PCCA: variants seen among roughly 807,000 people sequenced by gnomAD.
PCCA encodes propionyl-CoA carboxylase subunit alpha, also known as propionyl-CoA carboxylase alpha chain, mitochondrial.
In PCCA, 74 loss-of-function variants were observed where a neutral mutation model predicts 101.3. The ratio of observed to expected loss-of-function variants is 0.73; its 90% CI spans 0.61 to 0.89. PCCA has a LOEUF of 0.89. Among genes scored for constraint, PCCA ranks in the 40% least tolerant of loss-of-function variants. The pLI, the probability that PCCA is intolerant of heterozygous loss-of-function variation, is 0.00. For missense variants in PCCA, 891 were observed against 907.0 expected (o/e 0.98, Z 0.23); for synonymous variants, 294 against 313.6 (o/e 0.94, Z 0.66).
chr13:100,464,943 G>T (rs1173121712), intron 21 of PCCA, among the ~76,000 whole-genome samples: 2 of 152,162 alleles, frequency 1.3e-5, no homozygotes, highest in Non-Finnish European at 2.9e-5. Context: ...TATCATTTTA[G>T]GTAGGCTGTT....
intron 19 of PCCA, among the ~76,000 whole-genome samples, chr13:100,419,681 C>T (rs745416411): frequency 2.0e-5 from 3 of 152,158 alleles, no homozygotes; most frequent in Non-Finnish European, 2.9e-5. Flanking sequence ...AGAGGCGAGA[C>T]GCCAGTGTAG....
At chr13:100,186,592 A>G (rs954890240) in intron 6 of PCCA, among the ~76,000 whole-genome samples, 11 of 151,960 alleles carry the variant, frequency 7.2e-5, no homozygotes, top group Non-Finnish European at 1.2e-4. Context: ...AAATACAAAA[A>G]TGGTTCAGGT....
intron 19 of PCCA, among the ~76,000 whole-genome samples, chr13:100,411,550 G>C (rs1199698964): frequency 1.3e-5 from 2 of 152,206 alleles, no homozygotes. Flanking sequence ...TGCCCTGCAA[G>C]TCTGGAAAGT....
chr13:100,438,944 C>T (rs1043540102), intron 20 of PCCA, among the ~76,000 whole-genome samples: 13 of 152,178 alleles, frequency 8.5e-5, no homozygotes, highest in Non-Finnish European at 1.3e-4. Flanking sequence ...GTATCTTAAA[C>T]AATGGAACGG....
At chr13:100,469,140 G>A (rs552896711) in intron 21 of PCCA, among the ~76,000 whole-genome samples, 39 of 145,082 alleles carry the variant, frequency 2.7e-4, no homozygotes, top group African/African-American at 9.7e-4. Context: ...GAACCCAGGA[G>A]ACGGAGGTTG....
At chr13:100,401,867 A>G (rs1334032350) in intron 19 of PCCA, among the ~76,000 whole-genome samples, 1 of 152,226 alleles carries the variant, frequency 6.6e-6, no homozygotes, top group African/African-American at 2.4e-5. Context: ...AACAACTTGA[A>G]TAGATAATTT....
intron 19 of PCCA, among the ~76,000 whole-genome samples, chr13:100,422,110 C>CTTTCT (rs2078844893): frequency 6.9e-5 from 8 of 116,112 alleles, no homozygotes; most frequent in Non-Finnish European, 1.5e-4. Context: ...TTCTTTCTTT[C>CTTTCT]TTTCTTTCTT....
intron 22 of PCCA, among the ~76,000 whole-genome samples, chr13:100,518,477 T>C (rs2086999356): frequency 6.6e-6 from 1 of 152,244 alleles, no homozygotes; most frequent in Non-Finnish European, 1.5e-5. Context: ...TGTGTTTTAT[T>C]TGAAGGGCTT....
At chr13:100,268,942 C>A (rs954716656) in intron 11 of PCCA, among the ~76,000 whole-genome samples, 159 bp downstream of exon 11, 1 of 152,204 alleles carries the variant, frequency 6.6e-6, no homozygotes, top group Non-Finnish European at 1.5e-5. Context: ...CTCCACCTCC[C>A]AGGCTCAAGT....
At chr13:100,516,822 A>G (rs2086862547) in intron 22 of PCCA, among the ~76,000 whole-genome samples, 1 of 150,858 alleles carries the variant, frequency 6.6e-6, no homozygotes, top group South Asian at 2.1e-4. Context: ...GTAAGAGGAT[A>G]GTCTCGTGGC....
chr13:100,395,145 A>G (rs922342856), intron 19 of PCCA, among the ~76,000 whole-genome samples: 3 of 152,236 alleles, frequency 2.0e-5, no homozygotes, highest in Non-Finnish European at 2.9e-5. Context: ...CCTTTAAGGA[A>G]AGACAAAATT....
Position 100,430,381 on chromosome 13 carries a change from T to C in PCCA, c.1845+4650T>C, listed in dbSNP as rs536935281. Among the ~76,000 whole-genome samples, 9 of 152,362 alleles carry C rather than the reference T, an allele frequency of 5.9e-5. No homozygotes were observed. In the South Asian group the frequency reaches 1.9e-3, roughly 32 times the overall value. On this transcript the variant is annotated intron_variant, in intron 20 of 23. Transcript: ENST00000376285. The stretch of plus-strand genomic sequence containing the variant: ...GAAGAACACCATTATGAGTTTTAAA[T>C]TGATCACTACCTTGCTTTTCTTTAG...
intron 22 of PCCA, among the ~76,000 whole-genome samples, chr13:100,517,089 G>GTGTGTGTT (rs1566496439): frequency 1.4e-5 from 2 of 138,068 alleles, no homozygotes; most frequent in African/African-American, 5.4e-5. Flanking sequence ...GTGTGTGTGT[G>GTGTGTGTT]TTTCAAGTAA....
intron 12 of PCCA, among the ~76,000 whole-genome samples, chr13:100,283,566 C>T (rs987579379): frequency 6.6e-6 from 1 of 152,196 alleles, no homozygotes; most frequent in Admixed American, 6.5e-5. Flanking sequence ...AAGTTTATTA[C>T]CCAGTCAGCC....
At chr13:100,403,715 G>C (rs956017502) in intron 19 of PCCA, among the ~76,000 whole-genome samples, 2 of 152,056 alleles carry the variant, frequency 1.3e-5, no homozygotes, top group African/African-American at 4.8e-5. Context: ...GGTTTTATTG[G>C]GTGAAAAGGA....
chr13:100,508,564 C>G (rs1406382084), intron 21 of PCCA, among the ~76,000 whole-genome samples: 1 of 152,226 alleles, frequency 6.6e-6, no homozygotes, highest in Admixed American at 6.5e-5. Flanking sequence ...GCCAGGCTAA[C>G]TGGATGATTT....
chr13:100,394,097 A>G lies in PCCA; in HGVS notation c.1746+25523A>G, dbSNP rs899676824. On this transcript the variant is annotated intron_variant, in intron 19 of 23. Transcript: ENST00000376285. This position sits in a 1 kb window ranked among gnomAD's most constrained non-coding sequence, Gnocchi z 4.3. ...GACTGAGTGTTTTGATGTCTTAGCA[A>G]AAGGCAGAGGAGTGCTTTCCTTTGA... 2.0e-4 allele frequency among the ~76,000 whole-genome samples: 30 copies of G among 152,324 alleles called. No individual in the cohort carries two copies. The highest frequency in any genetic ancestry group is 8.8e-5 in the Non-Finnish European group (6 of 68,028).
chr13:100,138,706 G>A (rs1240109215), intron 4 of PCCA, among the ~76,000 whole-genome samples: 1 of 151,980 alleles, frequency 6.6e-6, no homozygotes, highest in Non-Finnish European at 1.5e-5. Flanking sequence ...AGGCCGAAGC[G>A]GGTGGATCAC....
intron 21 of PCCA, among the ~76,000 whole-genome samples, chr13:100,494,071 C>A (rs965374279): frequency 6.6e-6 from 1 of 152,070 alleles, no homozygotes; most frequent in African/African-American, 2.4e-5. Context: ...CGCCTGTAAT[C>A]CCAGCTACTC....
Sources: allele counts gnomAD v4.1 joint callset (sites outside exome capture counted in the v4.1 genomes callset), GRCh38; gene constraint gnomAD v4.1.1; non-coding constraint Gnocchi (gnomAD v3.1); transcripts MANE v1.5; gene names NCBI Gene and HGNC (gene_info 2026-07-23, HGNC 2026-07-21).